Variants in SLIT2 observed in about 807,000 individuals in gnomAD.
SLIT2 encodes the protein slit guidance ligand 2, also known as slit homolog 2 protein.
In SLIT2, 41 loss-of-function variants were observed where a neutral mutation model predicts 185.7. The ratio of observed to expected loss-of-function variants is 0.22; its 90% CI spans 0.17 to 0.29. SLIT2 has a LOEUF of 0.29. SLIT2 is among the 10% of genes least tolerant of loss of function. SLIT2 has a pLI of 1.00. For synonymous variants in SLIT2, 693 were observed against 680.2 expected, an observed-to-expected ratio of 1.02 and a Z score of -0.29; for missense variants, 1,571 against 1,909.0, an observed-to-expected ratio of 0.82 and a Z score of 3.30.
Position 20,404,906 on chromosome 4 carries a change from C to T in SLIT2, c.396-62846C>T, listed in dbSNP as rs75078219. ...TAGAAATAGCATTTAAAGGGTCTACCATTAATACAATATTGTGAAATACTG... is the reference window on the plus strand; with the variant it reads ...TAGAAATAGCATTTAAAGGGTCTACTATTAATACAATATTGTGAAATACTG... On this transcript the variant is annotated intron_variant, in intron 4 of 36. Coordinates refer to ENST00000504154, the MANE Select transcript of SLIT2 (RefSeq NM_004787.4). 9.1e-4 allele frequency among the ~76,000 whole-genome samples: 139 copies of T among 151,980 alleles called. 1 individual carries two copies. Among genetic ancestry groups the T allele is most frequent in the African/African-American group, 3.1e-3 (129 of 41,482 alleles).
chr4:20,286,121 T>C lies in SLIT2; in HGVS notation c.395+17240T>C, dbSNP rs560904848. The stretch of plus-strand genomic sequence containing the variant: ...GCATTTGAATACAGTGCAGTGTTCT[T>C]TACCATGTATATTAACTGTTCTGGG... On this transcript the variant is annotated intron_variant, in intron 4 of 36. Coordinates refer to ENST00000504154, the MANE Select transcript of SLIT2 (RefSeq NM_004787.4). Among the ~76,000 whole-genome samples, 7 of 152,352 alleles carry C rather than the reference T, an allele frequency of 4.6e-5. No individual in the cohort carries two copies. In the East Asian group the frequency reaches 1.2e-3, roughly 25 times the overall value.
At chr4:20,471,641 A>G (rs1715030880) in intron 5 of SLIT2, among the ~76,000 whole-genome samples, 1 of 152,212 alleles carries the variant, frequency 6.6e-6, no homozygotes, top group African/African-American at 2.4e-5. Context: ...GATTTGGCAC[A>G]TTCAGGCCTT....
At chr4:20,311,366 G>A (rs1173782314) in intron 4 of SLIT2, among the ~76,000 whole-genome samples, 1 of 152,112 alleles carries the variant, frequency 6.6e-6, no homozygotes, top group African/African-American at 2.4e-5. Context: ...AATAACTTTT[G>A]AAAAATGTGA....
intron 33 of SLIT2, among the ~76,000 whole-genome samples, chr4:20,600,989 A>G (rs1446770733): frequency 1.3e-5 from 2 of 152,004 alleles, no homozygotes; most frequent in East Asian, 3.8e-4. Context: ...AGCAATGAAG[A>G]AAAAAGAAGG....
chr4:20,326,746 CT>C (rs59509608), intron 4 of SLIT2, among the ~76,000 whole-genome samples: 93 of 54,718 alleles, frequency 1.7e-3, no homozygotes, highest in Middle Eastern at 0.016. Context: ...ATTCTGAAAC[CT>C]TTTTTTTTTT....
chr4:20,309,334 T>C (rs1315047848), intron 4 of SLIT2, among the ~76,000 whole-genome samples: 1 of 152,144 alleles, frequency 6.6e-6, no homozygotes, highest in Non-Finnish European at 1.5e-5. Flanking sequence ...AGATTTTTAC[T>C]TTTAGTTTTA....
At chr4:20,457,883 G>A (rs1165212045) in intron 4 of SLIT2, among the ~76,000 whole-genome samples, 1 of 152,176 alleles carries the variant, frequency 6.6e-6, no homozygotes, top group Admixed American at 6.5e-5. Context: ...ACAAGGAATA[G>A]ATCGGAGCAT....
intron 4 of SLIT2, among the ~76,000 whole-genome samples, chr4:20,435,714 CAG>C (rs1397346392): frequency 3.3e-5 from 5 of 152,050 alleles, no homozygotes; most frequent in African/African-American, 1.2e-4. Context: ...TGAAGAATAA[CAG>C]GGTGTTGACT....
intron 4 of SLIT2, among the ~76,000 whole-genome samples, chr4:20,296,176 A>T (rs1192152410): frequency 1.3e-5 from 2 of 152,260 alleles, no homozygotes; most frequent in Non-Finnish European, 2.9e-5. Context: ...CTATCTGTGT[A>T]AACAGAGACA....
At chr4:20,497,367 T>C (rs1219897974) in intron 9 of SLIT2, among the ~76,000 whole-genome samples, 2 of 152,118 alleles carry the variant, frequency 1.3e-5, no homozygotes, top group East Asian at 1.9e-4. Flanking sequence ...CTCAAGCCCA[T>C]GGTCCTAACT....
At chr4:20,262,159 T>C (rs1358403268) in intron 3 of SLIT2, among the ~76,000 whole-genome samples, 2 of 151,844 alleles carry the variant, frequency 1.3e-5, no homozygotes, top group Non-Finnish European at 2.9e-5. Flanking sequence ...CCCTTTACAG[T>C]GGAGCCTACA....
At chr4:20,368,221 A>G (rs1442864136) in intron 4 of SLIT2, among the ~76,000 whole-genome samples, 1 of 90,542 alleles carries the variant, frequency 1.1e-5, no homozygotes, top group African/African-American at 3.5e-5. Flanking sequence ...CAAAATAGCA[A>G]AAAAAAAAAA....
chr4:20,308,579 A>G (rs1373290093), intron 4 of SLIT2, among the ~76,000 whole-genome samples: 1 of 152,128 alleles, frequency 6.6e-6, no homozygotes, highest in Non-Finnish European at 1.5e-5. Flanking sequence ...TGCTTTGAGT[A>G]TCAGTCACTG....
At chr4:20,485,900 C>T (rs576109958) in intron 6 of SLIT2, among the ~76,000 whole-genome samples, 1 of 152,222 alleles carries the variant, frequency 6.6e-6, no homozygotes, top group South Asian at 2.1e-4. Context: ...TATTTCTTAA[C>T]CAATATCCTA....
At chr4:20,394,058 G>C (rs1725678698) in intron 4 of SLIT2, among the ~76,000 whole-genome samples, 1 of 151,934 alleles carries the variant, frequency 6.6e-6, no homozygotes, top group Non-Finnish European at 1.5e-5. Flanking sequence ...AGTTGCATTA[G>C]CATCAGCCTC....
intron 4 of SLIT2, among the ~76,000 whole-genome samples, chr4:20,333,502 C>G (rs1156690390): frequency 6.6e-6 from 1 of 152,122 alleles, no homozygotes; most frequent in African/African-American, 2.4e-5. Flanking sequence ...TTGTAGTACT[C>G]TGCAATTTGC....
intron 4 of SLIT2, among the ~76,000 whole-genome samples, chr4:20,292,521 C>T (rs77921206): frequency 0.027 from 4,106 of 151,974 alleles, 186 homozygotes; most frequent in African/African-American, 0.094. Flanking sequence ...AGCACTGAGA[C>T]GGAGAAGGAG....
chr4:20,440,117 C>G (rs555556234), intron 4 of SLIT2, among the ~76,000 whole-genome samples: 1 of 152,004 alleles, frequency 6.6e-6, no homozygotes, highest in African/African-American at 2.4e-5. Context: ...AGCAGTCTGC[C>G]GTATCTTTAT....
At chr4:20,515,240 C>T (rs370176251) in intron 11 of SLIT2, among the ~76,000 whole-genome samples, 12 of 152,200 alleles carry the variant, frequency 7.9e-5, no homozygotes, top group African/African-American at 9.6e-5. Flanking sequence ...GGCTTTGTTA[C>T]GGAGTAAACA....
Sources: allele counts gnomAD v4.1 joint callset (sites outside exome capture counted in the v4.1 genomes callset), GRCh38; gene constraint gnomAD v4.1.1; transcripts MANE v1.5; gene names NCBI Gene and HGNC (gene_info 2026-07-23, HGNC 2026-07-21).